The following HSP90B1 variants were observed in gnomAD, a reference collection of about 807,000 sequenced individuals.
HSP90B1 encodes endoplasmin.
A neutral mutation model predicts 100.4 loss-of-function variants in HSP90B1; 27 were observed. The ratio of observed to expected loss-of-function variants is 0.27; its 90% CI spans 0.20 to 0.37. The LOEUF (loss-of-function observed/expected upper bound fraction) is 0.37. HSP90B1 is among the 10% of genes least tolerant of loss of function. The pLI is 1.00. For missense variants in HSP90B1, 678 were observed against 960.5 expected (o/e 0.71, Z 3.89); for synonymous variants, 304 against 330.8 (o/e 0.92, Z 0.88).
intron 12 of HSP90B1, 115 bp from the exon 13 acceptor site, chr12:103,942,959 T>TA: frequency 6.8e-7 from 1 of 1,463,402 alleles, no homozygotes; most frequent in East Asian, 2.3e-5. Flanking sequence ...CTGAACCTCT[T>TA]AATTCTTCAC....
At position 103,930,453 on chromosome 12, in the gene HSP90B1, G is replaced by T; in HGVS notation, c.-63G>T. 7.8e-6 allele frequency: 9 copies of T among 1,158,852 alleles called. No individual in the cohort carries two copies. Among genetic ancestry groups the T allele is most frequent in the Non-Finnish European group, 1.1e-5 (9 of 842,932 alleles). 71.8% of individuals were successfully genotyped at this position (1,158,852 alleles called of 1,614,324 possible). A position where few individuals can be genotyped will look rare whatever the true frequency, so the allele number is the denominator to read the frequency against. ...CTGGAGGTGTGAGGATCCGAACCCA[G>T]GGGTGGGGGGTGGAGGCGGCTCCTG... On this transcript the variant is annotated 5_prime_UTR_variant, in exon 1 of 18. It adds an upstream start codon to the 5' untranslated region. Transcript: ENST00000299767. This position sits in a 1 kb window ranked among gnomAD's most constrained non-coding sequence, Gnocchi z 4.4.
intron 14 of HSP90B1, among the ~76,000 whole-genome samples, chr12:103,945,623 T>C (rs1870202891): frequency 6.6e-6 from 1 of 152,312 alleles, no homozygotes; most frequent in South Asian, 2.1e-4. Context: ...GAGCTACAAT[T>C]ACGGTAGTAA....
At chr12:103,935,357 T>C (rs1183582559) in intron 5 of HSP90B1, among the ~76,000 whole-genome samples, 1 of 152,134 alleles carries the variant, frequency 6.6e-6, no homozygotes, top group Non-Finnish European at 1.5e-5. Context: ...CTTTTTAAAA[T>C]TTTACCATCT....
At chr12:103,942,862 T>A in intron 12 of HSP90B1, 66 bp downstream of exon 12, 1 of 1,568,422 alleles carries the variant, frequency 6.4e-7, no homozygotes, top group Non-Finnish European at 8.7e-7. Context: ...AGCCAACTCT[T>A]GAGGGGGAGA....
In HSP90B1 at chr12:103,942,572, A is replaced by G; in HGVS notation, c.1420A>G (p.Lys474Glu). 1 of 1,613,980 alleles carries G rather than the reference A, an allele frequency of 6.2e-7. No individual in the cohort carries two copies. Among genetic ancestry groups the G allele is most frequent in the African/African-American group, 1.3e-5 (1 of 75,052 alleles). ...TCGTAAAACGCTGGACATGATCAAGAAGATTGCTGATGATAAATACAATGA... is the reference window on the plus strand; with the variant it reads ...TCGTAAAACGCTGGACATGATCAAGGAGATTGCTGATGATAAATACAATGA... Reference protein sequence around the residue: ...LVRKTLDMIKKIADDKYNDTF... With the variant: ...LVRKTLDMIKEIADDKYNDTF... The change falls in exon 12 of 18, where the codon AAG becomes GAG. Residue 474 changes from lysine (K) to glutamate (E), a missense_variant. Transcript: ENST00000299767.
In HSP90B1 at chr12:103,932,371, A is replaced by C. The variant is rs201119782; in HGVS notation, c.247A>C (p.Asn83His). The change falls in exon 3 of 18, where the codon AAC (asparagine) becomes CAC (histidine). Residue 83 changes from asparagine to histidine, a missense_variant. By Grantham distance (68) the Asn-to-His change is moderately conservative. This residue lies in a region of HSP90B1 where 238 missense variants were observed against 346.7 expected (regional missense o/e 0.69). Coordinates refer to ENST00000299767, the MANE Select transcript of HSP90B1 (RefSeq NM_003299.3). ...SEKFAFQAEVNRMMKLIINSL... is the reference protein window; with the variant it reads ...SEKFAFQAEVHRMMKLIINSL... ...AAAGTTTGCCTTCCAAGCCGAAGTT[A>C]ACAGAATGATGAAACTTATCATCAA... is the stretch of plus-strand genomic sequence containing the variant. 1 of 1,613,326 alleles carries C rather than the reference A, an allele frequency of 6.2e-7. No homozygotes were observed. Among genetic ancestry groups the C allele is most frequent in the Admixed American group, 1.7e-5 (1 of 59,958 alleles).
At chr12:103,931,745 C>T in intron 2 of HSP90B1, 122 bp downstream of exon 2, 1 of 745,096 alleles carries the variant, frequency 1.3e-6, no homozygotes, top group Non-Finnish European at 2.4e-6. Context: ...TATTTAAATA[C>T]CCGGTGAGTT....
chr12:103,945,819 C>G (rs1373286986), intron 14 of HSP90B1, among the ~76,000 whole-genome samples: 1 of 152,202 alleles, frequency 6.6e-6, no homozygotes, highest in Non-Finnish European at 1.5e-5. Context: ...GCACATGGCT[C>G]ACGTGTGTAA....
chr12:103,935,965 G>T (rs1049727951), intron 5 of HSP90B1, among the ~76,000 whole-genome samples: 1 of 152,210 alleles, frequency 6.6e-6, no homozygotes, highest in Admixed American at 6.5e-5. Flanking sequence ...TGCAGGGAAC[G>T]ATGGCTGCTA....
intron 5 of HSP90B1, among the ~76,000 whole-genome samples, chr12:103,937,094 T>C (rs559601710): frequency 2.0e-5 from 3 of 152,206 alleles, no homozygotes; most frequent in Non-Finnish European, 4.4e-5. Context: ...ATAGTAGAAA[T>C]GTTCTATATC....
intron 1 of HSP90B1, 132 bp from the exon 2 acceptor site, chr12:103,931,389 C>T (rs1263056520): frequency 1.6e-6 from 1 of 623,456 alleles, no homozygotes; most frequent in Non-Finnish European, 2.9e-6. Context: ...GGTATTTAAA[C>T]CAGGGAATGC....
chr12:103,945,642 T>G (rs574433876), intron 14 of HSP90B1, among the ~76,000 whole-genome samples: 1 of 152,258 alleles, frequency 6.6e-6, no homozygotes, highest in Admixed American at 6.5e-5. Context: ...AAGAATAAAC[T>G]AAGAGGGAAC....
chr12:103,942,460 G>T, intron 11 of HSP90B1, 67 bp from the exon 12 acceptor site: 1 of 1,450,842 alleles, frequency 6.9e-7, no homozygotes, highest in South Asian at 1.2e-5. Flanking sequence ...ACTCCTGCCT[G>T]GGTACCTTAC....
chr12:103,941,680 A>C lies in HSP90B1; in HGVS notation c.1282A>C (p.Lys428Gln). Residue 428 changes from lysine (K) to glutamine (Q), a missense_variant, in exon 10 of 18, where the codon AAA becomes CAA. By Grantham distance (53) the Lys-to-Gln change is moderately conservative. Around this residue, in one of 8 missense-constraint regions of HSP90B1, gnomAD observed 44 missense variants for 110.8 expected, o/e 0.40. Coordinates refer to ENST00000299767, the MANE Select transcript of HSP90B1 (RefSeq NM_003299.3). ...ITDDFHDMMPKYLNFVKGVVD... is the reference protein window; with the variant it reads ...ITDDFHDMMPQYLNFVKGVVD... ...AGACGACTTCCATGATATGATGCCT[A>C]AATACCTCAATTTTGTCAAGGGTGT... is the stretch of plus-strand genomic sequence containing the variant. 1 of 1,614,130 alleles carries C rather than the reference A, an allele frequency of 6.2e-7. No individual in the cohort carries two copies. The highest frequency in any genetic ancestry group is 8.5e-7 in the Non-Finnish European group (1 of 1,179,986).
chr12:103,931,747 C>G, intron 2 of HSP90B1, 124 bp downstream of exon 2: 1 of 740,216 alleles, frequency 1.4e-6, no homozygotes, highest in Non-Finnish European at 2.4e-6. Flanking sequence ...TTTAAATACC[C>G]GGTGAGTTGT....
chr12:103,945,341 A>C (rs1870195562), intron 14 of HSP90B1, among the ~76,000 whole-genome samples: 1 of 152,168 alleles, frequency 6.6e-6, no homozygotes, highest in African/African-American at 2.4e-5. Flanking sequence ...AAAGCAAGTC[A>C]TAATCCGAGC....
chr12:103,943,898 T>C lies in HSP90B1; in HGVS notation c.2027+24T>C, dbSNP rs1033381709. ...AAGTAAGCATCCTCGGGAAAGTCCC[T>C]GCCAGGGCGTTGCCCCTTACCCAAT... On this transcript the variant is annotated intron_variant, in intron 14 of 17. Transcript: ENST00000299767. This position sits in a 1 kb window ranked among gnomAD's most constrained non-coding sequence, Gnocchi z 5.3. The C allele has an allele frequency of 6.2e-6, 10 of 1,605,900 alleles. No homozygotes were observed. In the Admixed American group the frequency reaches 1.2e-4, roughly 19 times the overall value.
intron 2 of HSP90B1, chr12:103,932,034 T>C: frequency 2.2e-6 from 1 of 464,514 alleles, no homozygotes; most frequent in Non-Finnish European, 3.8e-6. Flanking sequence ...TGCTTTTTAG[T>C]AGAGGAAAGT....
At chr12:103,945,571 C>T (rs762673132) in intron 14 of HSP90B1, among the ~76,000 whole-genome samples, 4 of 152,158 alleles carry the variant, frequency 2.6e-5, no homozygotes, top group Admixed American at 2.0e-4. Flanking sequence ...TATTGGAGCA[C>T]AATCCAGAGG....
Sources: allele counts gnomAD v4.1 joint callset (sites outside exome capture counted in the v4.1 genomes callset), GRCh38; gene constraint gnomAD v4.1.1; regional missense constraint gnomAD v4.1.1; non-coding constraint Gnocchi (gnomAD v3.1); transcripts MANE v1.5; gene names NCBI Gene and HGNC (gene_info 2026-07-23, HGNC 2026-07-21).